The following LPIN1 variants were observed in gnomAD, a reference collection of about 807,000 sequenced individuals.
LPIN1 encodes lipin 1.
In LPIN1, 71 loss-of-function variants were observed where a neutral mutation model predicts 107.5. The observed-to-expected ratio is 0.66, with a 90% confidence interval of 0.55 to 0.80. The LOEUF (loss-of-function observed/expected upper bound fraction) is 0.80, where lower values mean the gene tolerates loss of function less well. Among genes scored for constraint, LPIN1 ranks in the 30% least tolerant of loss-of-function variants. LPIN1 has a pLI of 0.00. For missense variants in LPIN1, 1,043 were observed against 1,160.6 expected (o/e 0.90, Z 1.47); for synonymous variants, 445 against 452.6 (o/e 0.98, Z 0.21).
intron 18 of LPIN1, chr2:11,818,826 A>G (rs1476043940): frequency 6.6e-6 from 1 of 152,060 alleles, no homozygotes; most frequent in African/African-American, 2.4e-5. Flanking sequence ...TAGATGTTAA[A>G]TTGTATCAAA....
At chr2:11,742,823 G>C (rs1666508547), upstream of LPIN1, among the ~76,000 whole-genome samples, 1 of 152,252 alleles carries the variant, frequency 6.6e-6, no homozygotes, top group African/African-American at 2.4e-5. Flanking sequence ...CATGGGGCTT[G>C]CTGTGAGCTC....
At chr2:11,772,174 T>C (rs1227192234) in intron 4 of LPIN1, among the ~76,000 whole-genome samples, 1 of 152,136 alleles carries the variant, frequency 6.6e-6, no homozygotes, top group Non-Finnish European at 1.5e-5. Flanking sequence ...TAGGTGGTAA[T>C]GTGAGGGATG....
chr2:11,815,390 A>C (rs1177376314), intron 18 of LPIN1, 150 bp downstream of exon 18: 8 of 1,009,424 alleles, frequency 7.9e-6, no homozygotes, highest in Non-Finnish European at 1.2e-5. Flanking sequence ...CATTCCAAAC[A>C]CAGGTCTACA....
At chr2:11,760,777 T>TA (rs1669698175) in intron 1 of LPIN1, among the ~76,000 whole-genome samples, 2 of 151,822 alleles carry the variant, frequency 1.3e-5, no homozygotes, top group Admixed American at 1.3e-4. Context: ...TTCTTGTGAG[T>TA]AAAAAAATAC....
At chr2:11,698,035 G>A (rs545649207) in intron 1 of LPIN1, among the ~76,000 whole-genome samples, 4 of 152,242 alleles carry the variant, frequency 2.6e-5, no homozygotes, top group African/African-American at 9.6e-5. Context: ...CTGTGTTGTC[G>A]TTTCTGTCAA....
intron 11 of LPIN1, among the ~76,000 whole-genome samples, 178 bp from the exon 12 acceptor site, chr2:11,788,209 G>T (rs1675004305): frequency 6.6e-6 from 1 of 152,174 alleles, no homozygotes; most frequent in African/African-American, 2.4e-5. Flanking sequence ...CTGGGGTGAG[G>T]TGGGGGGAGC....
rs538724307 is a variant in LPIN1, at chr2:11,741,212, C to T, written c.-71-137C>T. 7.7e-4 allele frequency: 454 copies of T among 589,682 alleles called. 5 individuals carry two copies. The South Asian group carries it at 9.2e-3, about 12-fold the overall frequency. The allele number at this position is 589,682 out of a possible 1,614,324, so 36.5% of individuals were successfully genotyped here. On this transcript the variant is annotated intron_variant, in intron 1 of 21. Transcript: ENST00000396097. Reference sequence around the variant, plus strand: ...CCCATAGAGGGACTGACCAGGAGCCCGGGAGTCCTGCCCCAGCTGTGTCCC... The same window carrying T: ...CCCATAGAGGGACTGACCAGGAGCCTGGGAGTCCTGCCCCAGCTGTGTCCC...
At chr2:11,681,226 C>T (rs1327065787) in intron 1 of LPIN1, among the ~76,000 whole-genome samples, 1 of 152,164 alleles carries the variant, frequency 6.6e-6, no homozygotes, top group African/African-American at 2.4e-5. Context: ...GCATTCAAGG[C>T]CCCTCAAAGG....
chr2:11,709,630 T>G (rs1203410373), intron 1 of LPIN1, among the ~76,000 whole-genome samples: 1 of 152,240 alleles, frequency 6.6e-6, no homozygotes, highest in Non-Finnish European at 1.5e-5. Context: ...TCTCTGCCTC[T>G]CTTGTCCTGG....
chr2:11,699,524 G>C (rs1438485276), intron 1 of LPIN1, among the ~76,000 whole-genome samples: 1 of 152,002 alleles, frequency 6.6e-6, no homozygotes, highest in Non-Finnish European at 1.5e-5. Context: ...GTGAGTCATG[G>C]GAGCACCTTT....
In LPIN1 at chr2:11,825,648, C is replaced by T. The variant is rs1019255187; in HGVS notation, c.*857C>T. On this transcript the variant is annotated 3_prime_UTR_variant, in exon 21 of 21. Transcript: ENST00000674199. The surrounding 1 kb of genome is among the most constrained non-coding windows in gnomAD (Gnocchi z 4.1). ...ACACTGCCGGCTTCCTTCCATCCAG[C>T]GAGGTGGTGCTGACAGTGTGGACTT... The T allele has an allele frequency of 4.6e-5, 7 of 152,590 alleles. No individual in the cohort carries two copies. Among genetic ancestry groups the T allele is most frequent in the African/African-American group, 9.7e-5 (4 of 41,436 alleles). The allele number at this position is 152,590 out of a possible 1,614,324, so 9.5% of individuals were successfully genotyped here. A position where few individuals can be genotyped will look rare whatever the true frequency, so the allele number is the denominator to read the frequency against.
chr2:11,807,624 T>C (rs1678936118), intron 17 of LPIN1, among the ~76,000 whole-genome samples: 1 of 152,144 alleles, frequency 6.6e-6, no homozygotes, highest in Admixed American at 6.5e-5. Flanking sequence ...TTCTTTTCTT[T>C]GATTGGTTGG....
intron 1 of LPIN1, among the ~76,000 whole-genome samples, chr2:11,732,848 A>G (rs1482508538): frequency 6.6e-6 from 1 of 152,152 alleles, no homozygotes; most frequent in Non-Finnish European, 1.5e-5. Flanking sequence ...GGACTGTTCC[A>G]AAAACAATAA....
At chr2:11,784,820 A>G (rs1674221618) in intron 9 of LPIN1, 66 bp from the exon 10 acceptor site, 1 of 1,476,966 alleles carries the variant, frequency 6.8e-7, no homozygotes, top group African/African-American at 1.4e-5. Context: ...GCATCACTGG[A>G]TGGTGATGTA....
intron 6 of LPIN1, among the ~76,000 whole-genome samples, chr2:11,778,379 A>T (rs1673014474): frequency 6.6e-6 from 1 of 152,202 alleles, no homozygotes; most frequent in Non-Finnish European, 1.5e-5. Context: ...GATGAGAGAG[A>T]TGGCACTTGG....
intron 4 of LPIN1, 33 bp from the exon 5 acceptor site, chr2:11,773,587 T>G: frequency 1.3e-6 from 2 of 1,588,462 alleles, no homozygotes; most frequent in Non-Finnish European, 1.7e-6. Context: ...CATTAAGAAT[T>G]CTTTGACTTT....
chr2:11,726,668 A>G (rs79027918), intron 1 of LPIN1, among the ~76,000 whole-genome samples: 4,185 of 152,198 alleles, frequency 0.027, 173 homozygotes, highest in African/African-American at 0.095. Context: ...CATATGTGGC[A>G]ATGTTGAGCC....
intron 13 of LPIN1, among the ~76,000 whole-genome samples, chr2:11,793,834 G>A (rs1222425283): frequency 6.6e-6 from 1 of 152,110 alleles, no homozygotes; most frequent in Non-Finnish European, 1.5e-5. Context: ...GTCTAGACCC[G>A]AAACTTCATG....
At chr2:11,750,689 T>G (rs767537561) in intron 1 of LPIN1, among the ~76,000 whole-genome samples, 4 of 152,194 alleles carry the variant, frequency 2.6e-5, no homozygotes, top group Admixed American at 2.0e-4. Flanking sequence ...GATGCGAAAC[T>G]GCAGTGCAGA....
Sources: gnomAD v4.1 joint callset for allele counts (sites outside exome capture counted in the v4.1 genomes callset) on GRCh38, gnomAD v4.1.1 for gene constraint, Gnocchi (gnomAD v3.1) non-coding constraint, MANE v1.5 for transcripts, NCBI Gene and HGNC (gene_info 2026-07-23, HGNC 2026-07-21) for gene names.